Variants in EFCAB6 observed in about 807,000 individuals in gnomAD.
The protein encoded by EFCAB6 is EF-hand calcium-binding domain-containing protein 6.
A neutral mutation model predicts 169.8 loss-of-function variants in EFCAB6; 156 were observed. That is an observed-to-expected ratio of 0.92 (90% CI 0.81 to 1.05). The LOEUF is 1.05. Among genes scored for constraint, EFCAB6 ranks in the 50% least tolerant of loss-of-function variants. EFCAB6 has a pLI of 0.00. For missense variants in EFCAB6, 1,800 were observed against 1,829.1 expected, an observed-to-expected ratio of 0.98 and a Z score of 0.29; for synonymous variants, 698 against 676.4, an observed-to-expected ratio of 1.03 and a Z score of -0.50.
intron 26 of EFCAB6, among the ~76,000 whole-genome samples, chr22:43,574,586 C>T (rs891273233): frequency 4.0e-5 from 6 of 151,444 alleles, no homozygotes; most frequent in Non-Finnish European, 7.4e-5. Context: ...TCCTTTTTTA[C>T]GTATATTTTT....
intron 10 of EFCAB6, among the ~76,000 whole-genome samples, chr22:43,689,344 C>T (rs1257052032): frequency 1.9e-5 from 2 of 107,394 alleles, no homozygotes; most frequent in African/African-American, 6.9e-5. Flanking sequence ...TGAGGGAGAG[C>T]ACGTGCACAC....
chr22:43,610,554 A>C (rs1468345790), intron 21 of EFCAB6, among the ~76,000 whole-genome samples: 1 of 152,274 alleles, frequency 6.6e-6, no homozygotes, highest in Non-Finnish European at 1.5e-5. Flanking sequence ...CAGTTTTGAC[A>C]GAAAATCAAA....
intron 3 of EFCAB6, among the ~76,000 whole-genome samples, chr22:43,777,460 A>G (rs2061676991): frequency 6.6e-6 from 1 of 152,226 alleles, no homozygotes; most frequent in African/African-American, 2.4e-5. Flanking sequence ...ACCCTCCCAC[A>G]AGAGTTCCAA....
chr22:43,596,347 C>A (rs898746561), intron 23 of EFCAB6, among the ~76,000 whole-genome samples: 1 of 151,806 alleles, frequency 6.6e-6, no homozygotes, highest in African/African-American at 2.4e-5. Context: ...TTAAAAAAAA[C>A]CTAAAGACTC....
intron 6 of EFCAB6, among the ~76,000 whole-genome samples, chr22:43,753,540 G>GAAGATGACCTCT (rs797019849): frequency 6.6e-6 from 1 of 152,260 alleles, no homozygotes; most frequent in South Asian, 2.1e-4. Flanking sequence ...AGACCCAGAG[G>GAAGATGACCTCT]TCATCCAATC....
At chr22:43,585,745 T>C (rs535477428) in intron 24 of EFCAB6, among the ~76,000 whole-genome samples, 1 of 151,878 alleles carries the variant, frequency 6.6e-6, no homozygotes, top group African/African-American at 2.4e-5. Flanking sequence ...AAAGAGAAAA[T>C]CTTGAAATAA....
At chr22:43,588,916 A>G (rs1233276668) in intron 24 of EFCAB6, among the ~76,000 whole-genome samples, 1 of 152,168 alleles carries the variant, frequency 6.6e-6, no homozygotes, top group Non-Finnish European at 1.5e-5. Flanking sequence ...AGCAAACCAA[A>G]ACTGACGCAG....
At chr22:43,656,391 T>TA (rs745861153) in intron 17 of EFCAB6, among the ~76,000 whole-genome samples, 3,260 of 139,076 alleles carry the variant, frequency 0.023, 92 homozygotes, top group African/African-American at 0.072. Flanking sequence ...AAACGCCATC[T>TA]AAAAAAAAAA....
Position 43,615,921 on chromosome 22 carries a change from G to T in EFCAB6, c.2467C>A (p.Pro823Thr). The change falls in exon 21 of 32, where the codon CCA becomes ACA. Residue 823 changes from proline (P) to threonine (T), a missense_variant and splice_region_variant. Physicochemically the swap from Pro to Thr is conservative, Grantham distance 38. Coordinates refer to ENST00000262726, the MANE Select transcript of EFCAB6 (RefSeq NM_022785.4). ...TDEAPQRLIR[P>T]KQKVADSELA... ...TCTGAATCCGCAACCTTCTGTTTTG[G>T]TCTTAAAAGAAAAAAAATAATAAAT... 6.2e-7 allele frequency: 1 copy of T among 1,610,864 alleles called. No individual in the cohort carries two copies.
At chr22:43,597,246 C>A (rs370134790) in intron 23 of EFCAB6, among the ~76,000 whole-genome samples, 35 of 152,230 alleles carry the variant, frequency 2.3e-4, no homozygotes, top group South Asian at 1.9e-3. Flanking sequence ...GAAAAACAAA[C>A]AAATGGGATT....
At position 43,620,536 on chromosome 22, in the gene EFCAB6, T is replaced by C. The variant is rs577568261; in HGVS notation, c.2466-4614A>G. ...GAATAAAGAATAAAGATATTATAAA[T>C]TGAAGAAAACTAAGACAATTTGTCT... On this transcript the variant is annotated intron_variant, in intron 20 of 31. Transcript: ENST00000262726. Among the ~76,000 whole-genome samples the C allele has an allele frequency of 1.4e-4, 22 of 152,226 alleles. No individual in the cohort carries two copies. In the East Asian group the frequency reaches 1.5e-3, roughly 11 times the overall value.
At chr22:43,808,561 C>T (rs2062998424) in intron 2 of EFCAB6, among the ~76,000 whole-genome samples, 1 of 152,128 alleles carries the variant, frequency 6.6e-6, no homozygotes, top group Non-Finnish European at 1.5e-5. Context: ...CGTGAAGTGC[C>T]TGGCACACAG....
At chr22:43,637,823 G>C (rs573323458) in intron 17 of EFCAB6, among the ~76,000 whole-genome samples, 1 of 152,222 alleles carries the variant, frequency 6.6e-6, no homozygotes, top group Non-Finnish European at 1.5e-5. Context: ...ACACACAGCC[G>C]CGGTGAGCCT....
At chr22:43,797,781 G>A (rs542769739) in intron 2 of EFCAB6, among the ~76,000 whole-genome samples, 1 of 152,156 alleles carries the variant, frequency 6.6e-6, no homozygotes, top group African/African-American at 2.4e-5. Context: ...GTGTCTTTGT[G>A]GCTGCAGCAC....
At chr22:43,596,986 AAC>A (rs1337813708) in intron 23 of EFCAB6, among the ~76,000 whole-genome samples, 1 of 152,208 alleles carries the variant, frequency 6.6e-6, no homozygotes, top group Non-Finnish European at 1.5e-5. Flanking sequence ...AGGCACTGAG[AAC>A]ACACACTGGG....
At chr22:43,728,510 T>G (rs1037452966) in intron 8 of EFCAB6, among the ~76,000 whole-genome samples, 59 of 152,240 alleles carry the variant, frequency 3.9e-4, no homozygotes, top group African/African-American at 1.4e-3. Context: ...ATAGTTGAAC[T>G]AACTTACACT....
In EFCAB6 at chr22:43,658,262, A is replaced by AATAAG. The variant is rs566179018; in HGVS notation, c.1983+8841_1983+8842insCTTAT. On this transcript the variant is annotated intron_variant, in intron 17 of 31. Transcript: ENST00000262726. ...TATAAAATAAAATAAAATAAAATAA[A>AATAAG]ACAAAAGGCATCAGAGAGCAATGAG... Among the ~76,000 whole-genome samples, 3 of 152,144 alleles carry AATAAG rather than the reference A, an allele frequency of 2.0e-5. No individual in the cohort carries two copies. In the South Asian group the frequency reaches 6.2e-4, roughly 32 times the overall value.
At chr22:43,543,325 C>G (rs2047856299) in intron 27 of EFCAB6, among the ~76,000 whole-genome samples, 1 of 152,170 alleles carries the variant, frequency 6.6e-6, no homozygotes, top group Non-Finnish European at 1.5e-5. Flanking sequence ...ACCCAGCCAC[C>G]AGGGCGGCTC....
chr22:43,674,134 A>T (rs2147001509), intron 13 of EFCAB6, among the ~76,000 whole-genome samples: 1 of 152,390 alleles, frequency 6.6e-6, no homozygotes, highest in East Asian at 1.9e-4. Context: ...AAGTATGGGT[A>T]TGCATGTATG....
Sources: gnomAD v4.1 joint callset for allele counts (sites outside exome capture counted in the v4.1 genomes callset) on GRCh38, gnomAD v4.1.1 for gene constraint, MANE v1.5 for transcripts, NCBI Gene and HGNC (gene_info 2026-07-23, HGNC 2026-07-21) for gene names.